Variants in PRR32 observed in about 807,000 individuals in gnomAD.
The protein encoded by PRR32 is proline-rich protein 32.
PRR32 carries 2 observed loss-of-function variants against 1.3 expected under a neutral mutation model. The observed-to-expected ratio is 1.49, with a 90% confidence interval of 0.61 to 4.68. The LOEUF is 4.68. Ranked by LOEUF, PRR32 falls within the 30% of genes most tolerant of loss-of-function variation. PRR32 has a pLI of 0.06. For synonymous variants in PRR32, 107 were observed against 88.7 expected (o/e 1.21, Z -1.16); for missense variants, 241 against 232.5 (o/e 1.04, Z -0.24).
chrX:126,820,476 G>T (rs1460821929), intron 1 of PRR32, among the ~76,000 whole-genome samples, 183 bp from the exon 2 acceptor site: 1 of 111,869 alleles, frequency 8.9e-6, no homozygotes, highest in Non-Finnish European at 1.9e-5. Context: ...ATGTAGCCTA[G>T]TACTAAAGAA....
rs1221025543 is a variant in PRR32, at chrX:126,820,654, G to C, written c.21-5G>C. 8.7e-7 allele frequency: 1 copy of C among 1,153,518 alleles called. No homozygotes were observed. The highest frequency in any genetic ancestry group is 2.8e-5 in the Admixed American group (1 of 35,917). On this transcript the variant is annotated splice_polypyrimidine_tract_variant and splice_region_variant and intron_variant, in intron 1 of 1. Transcript: ENST00000371125. ...TATTAGCTGTTTGATTTCTGTTTTT[G>C]CAAGCCTTGGAGGGCACGCCCCTTC...
intron 1 of PRR32, 47 bp downstream of exon 1, chrX:126,819,910 A>C: frequency 8.9e-7 from 1 of 1,120,689 alleles, no homozygotes; most frequent in Non-Finnish European, 1.2e-6. Context: ...AGGCAAAGTC[A>C]GTTTGAATTG....
rs1427894253 is a variant in PRR32 at position 126,821,511 on chromosome X, A to G, written c.873A>G (p.Ala291=). 1.7e-6 allele frequency: 2 copies of G among 1,165,457 alleles called. No individual in the cohort carries two copies. Among genetic ancestry groups the G allele is most frequent in the South Asian group, 1.9e-5 (1 of 52,637 alleles). The change falls in exon 2 of 2, where the codon GCA becomes GCG. Residue 291 remains alanine, a synonymous_variant. Coordinates refer to ENST00000371125, the MANE Select transcript of PRR32 (RefSeq NM_001122716.2). ...ATTCTGGGGGAATGCCAGCTCCTGC[A>G]TCACCCAACAGAGAGCACAGCTGAT... ...HFHSGGMPAP[A]SPNREHS
rs761720173 is a variant in PRR32, at chrX:126,821,504, C to A, written c.866C>A (p.Ala289Asp). 1.7e-6 allele frequency: 2 copies of A among 1,167,075 alleles called. No homozygotes were observed. The highest frequency in any genetic ancestry group is 2.3e-6 in the Non-Finnish European group (2 of 873,167). Residue 289 changes from alanine to aspartate, a missense_variant, in exon 2 of 2, where the codon GCT becomes GAT. By Grantham distance (126) the Ala-to-Asp change is moderately radical. Coordinates refer to ENST00000371125, the MANE Select transcript of PRR32 (RefSeq NM_001122716.2). ...CATTTCCATTCTGGGGGAATGCCAGCTCCTGCATCACCCAACAGAGAGCAC... is the reference window on the plus strand; with the variant it reads ...CATTTCCATTCTGGGGGAATGCCAGATCCTGCATCACCCAACAGAGAGCAC... ...FAHFHSGGMP[A>D]PASPNREHS is the part of the protein sequence containing the mutation.
rs1404706828 is a variant in PRR32, at chrX:126,821,150, T to G, written c.512T>G (p.Phe171Cys). The G allele has an allele frequency of 8.6e-7, 1 of 1,167,723 alleles. No homozygotes were observed. The highest frequency in any genetic ancestry group is 1.1e-6 in the Non-Finnish European group (1 of 872,978). Reference protein sequence around the residue: ...HVALPQGKGFFPPRGPQVRGP... With the variant: ...HVALPQGKGFCPPRGPQVRGP... The stretch of plus-strand genomic sequence containing the variant: ...GCTTTGCCACAAGGTAAAGGGTTCT[T>G]TCCACCCAGGGGCCCACAAGTGAGA... Residue 171 changes from phenylalanine (F) to cysteine (C), a missense_variant, in exon 2 of 2, where the codon TTT becomes TGT. Phe to Cys is a radical substitution (Grantham distance 205). Coordinates refer to ENST00000371125, the MANE Select transcript of PRR32 (RefSeq NM_001122716.2).
At chrX:126,819,989 C>A (rs1930529873) in intron 1 of PRR32, 126 bp downstream of exon 1, 3 of 621,635 alleles carry the variant, frequency 4.8e-6, no homozygotes, top group South Asian at 7.4e-5. Context: ...CAGACAAAAA[C>A]TTGAAGGACA....
rs1187927699 is a variant in PRR32, at chrX:126,821,328, G to A, written c.690G>A (p.Pro230=). The A allele has an allele frequency of 1.0e-5, 12 of 1,166,903 alleles. No homozygotes were observed. The highest frequency in any genetic ancestry group is 4.6e-4 in the Middle Eastern group (2 of 4,326). ...TGCATAATTGGCCAAGGCCTATCCC[G>A]TTGTCTTCCAGTACTCCAGGTTTAC... ...HPMHNWPRPI[P]LSSSTPGLPS... Residue 230 remains proline (P), a synonymous_variant, in exon 2 of 2, where the codon CCG becomes CCA. Coordinates refer to ENST00000371125, the MANE Select transcript of PRR32 (RefSeq NM_001122716.2).
rs772442535 is a variant in PRR32 at position 126,821,514 on chromosome X, A to T, written c.876A>T (p.Ser292=). ...FHSGGMPAPA[S]PNREHS is the part of the protein sequence containing the mutation. ...CTGGGGGAATGCCAGCTCCTGCATC[A>T]CCCAACAGAGAGCACAGCTGATGGC... Residue 292 remains serine, a synonymous_variant, in exon 2 of 2, where the codon TCA becomes TCT. Coordinates refer to ENST00000371125, the MANE Select transcript of PRR32 (RefSeq NM_001122716.2). 8.7e-5 allele frequency: 101 copies of T among 1,165,030 alleles called. No individual in the cohort carries two copies. The highest frequency in any genetic ancestry group is 1.1e-6 in the Non-Finnish European group (1 of 872,844).
At chrX:126,820,384 A>C (rs773219142) in intron 1 of PRR32, among the ~76,000 whole-genome samples, 17 of 111,826 alleles carry the variant, frequency 1.5e-4, no homozygotes, top group Non-Finnish European at 3.2e-4. Context: ...AGTTATGTGC[A>C]TCTTCTAAGC....
Position 126,821,693 on chromosome X carries a change from G to T in PRR32, c.*158G>T. 2 of 703,609 alleles carry T rather than the reference G, an allele frequency of 2.8e-6. No individual in the cohort carries two copies. Among genetic ancestry groups the T allele is most frequent in the Admixed American group, 3.8e-5 (1 of 26,069 alleles). 58.0% of individuals were successfully genotyped at this position (703,609 alleles called of 1,213,427 possible). On this transcript the variant is annotated 3_prime_UTR_variant, in exon 2 of 2. Coordinates refer to ENST00000371125, the MANE Select transcript of PRR32 (RefSeq NM_001122716.2). ...CTCCCACACTCTGTTTAGCACTAAT[G>T]TGCCCTATTTGAAACCTTGTACCCT...
At position 126,821,152 on chromosome X, in the gene PRR32, C is replaced by T. The variant is rs964909041; in HGVS notation, c.514C>T (p.Pro172Ser). ...TTTGCCACAAGGTAAAGGGTTCTTT[C>T]CACCCAGGGGCCCACAAGTGAGAGG... ...VALPQGKGFF[P>S]PRGPQVRGPS... Residue 172 changes from proline (P) to serine (S), a missense_variant, in exon 2 of 2, where the codon CCA becomes TCA. Physicochemically the swap from Pro to Ser is moderately conservative, Grantham distance 74. Transcript: ENST00000371125. The T allele has an allele frequency of 3.4e-6, 4 of 1,165,952 alleles. No individual in the cohort carries two copies. In the African/African-American group the frequency reaches 7.2e-5, roughly 21 times the overall value.
At chrX:126,820,195 GAA>G (rs1930532558) in intron 1 of PRR32, among the ~76,000 whole-genome samples, 1 of 111,696 alleles carries the variant, frequency 9.0e-6, no homozygotes. Context: ...CTCAAGAAGA[GAA>G]ACTTGTGTGT....
In PRR32 at chrX:126,821,597, T is replaced by C. The variant is rs923549283; in HGVS notation, c.*62T>C. 15 of 1,121,545 alleles carry C rather than the reference T, an allele frequency of 1.3e-5. No homozygotes were observed. Among genetic ancestry groups the C allele is most frequent in the Non-Finnish European group, 1.8e-5 (15 of 852,196 alleles). The allele number at this position is 1,121,545 out of a possible 1,213,427, so 92.4% of individuals were successfully genotyped here. ...GAGGTGAAAGTTATTCATTTATGCTTTTATATTTGAAACCTTGTACCCTCC... is the reference window on the plus strand; with the variant it reads ...GAGGTGAAAGTTATTCATTTATGCTCTTATATTTGAAACCTTGTACCCTCC... On this transcript the variant is annotated 3_prime_UTR_variant, in exon 2 of 2. Coordinates refer to ENST00000371125, the MANE Select transcript of PRR32 (RefSeq NM_001122716.2).
Position 126,819,766 on chromosome X carries a change from C to T in PRR32, c.-78C>T, listed in dbSNP as rs1384626879. 7 of 967,551 alleles carry T rather than the reference C, an allele frequency of 7.2e-6. No individual in the cohort carries two copies. Among genetic ancestry groups the T allele is most frequent in the Middle Eastern group, 2.6e-4 (1 of 3,863 alleles). 79.7% of individuals were successfully genotyped at this position (967,551 alleles called of 1,213,427 possible). On this transcript the variant is annotated 5_prime_UTR_variant, in exon 1 of 2. Transcript: ENST00000371125. ...AAGCCTCTAAAGCAGAAGCAGGAGT[C>T]ATTTCTCCAGACCTAGCTGGCCTGT...
At chrX:126,819,960 G>C in intron 1 of PRR32, 97 bp downstream of exon 1, 1 of 811,529 alleles carries the variant, frequency 1.2e-6, no homozygotes, top group Non-Finnish European at 1.7e-6. Context: ...TGGGTTGGAG[G>C]AGATGTGGGA....
At position 126,821,562 on chromosome X, in the gene PRR32, G is replaced by T. The variant is rs745701048; in HGVS notation, c.*27G>T. ...GGCAAAAAGGAAGGATGAAAAAAGGGTTGTGGAAAGAGGTGAAAGTTATTC... is the reference window on the plus strand; with the variant it reads ...GGCAAAAAGGAAGGATGAAAAAAGGTTTGTGGAAAGAGGTGAAAGTTATTC... On this transcript the variant is annotated 3_prime_UTR_variant, in exon 2 of 2. Transcript: ENST00000371125. 1 of 1,153,443 alleles carries T rather than the reference G, an allele frequency of 8.7e-7. No individual in the cohort carries two copies. The highest frequency in any genetic ancestry group is 1.8e-5 in the African/African-American group (1 of 56,119).
In PRR32 at chrX:126,819,843, C is replaced by T; in HGVS notation, c.-1C>T. On this transcript the variant is annotated 5_prime_UTR_variant, in exon 1 of 2. Coordinates refer to ENST00000371125, the MANE Select transcript of PRR32 (RefSeq NM_001122716.2). ...GAAAGCTATTCTGATCAAATTTCTTCATGGCTTGTATTGAAAACGTGTAAG... is the reference window on the plus strand; with the variant it reads ...GAAAGCTATTCTGATCAAATTTCTTTATGGCTTGTATTGAAAACGTGTAAG... 7 of 1,165,419 alleles carry T rather than the reference C, an allele frequency of 6.0e-6. No homozygotes were observed. The highest frequency in any genetic ancestry group is 1.9e-5 in the South Asian group (1 of 52,281).
At position 126,819,839 on chromosome X, in the gene PRR32, T is replaced by A. The variant is rs1231412159; in HGVS notation, c.-5T>A. 2 of 1,163,621 alleles carry A rather than the reference T, an allele frequency of 1.7e-6. No individual in the cohort carries two copies. Among genetic ancestry groups the A allele is most frequent in the East Asian group, 6.5e-5 (2 of 30,619 alleles). Reference sequence around the variant, plus strand: ...TCAGGAAAGCTATTCTGATCAAATTTCTTCATGGCTTGTATTGAAAACGTG... The same window carrying A: ...TCAGGAAAGCTATTCTGATCAAATTACTTCATGGCTTGTATTGAAAACGTG... On this transcript the variant is annotated 5_prime_UTR_variant, in exon 1 of 2. Coordinates refer to ENST00000371125, the MANE Select transcript of PRR32 (RefSeq NM_001122716.2).
In PRR32 at chrX:126,820,541, G is replaced by A. The variant is rs898822111; in HGVS notation, c.21-118G>A. ...CAAGTATTTGGCTACATATAGGGGA[G>A]AGGGCACTCCTTTTTTCCCTGGTAT... On this transcript the variant is annotated intron_variant, in intron 1 of 1. Coordinates refer to ENST00000371125, the MANE Select transcript of PRR32 (RefSeq NM_001122716.2). 4 of 920,867 alleles carry A rather than the reference G, an allele frequency of 4.3e-6. No homozygotes were observed. The East Asian group carries it at 1.4e-4, about 31-fold the overall frequency. 75.9% of individuals were successfully genotyped at this position (920,867 alleles called of 1,213,427 possible). A position where few individuals can be genotyped will look rare whatever the true frequency, so the allele number is the denominator to read the frequency against.
Sources: gnomAD v4.1 joint callset for allele counts (sites outside exome capture counted in the v4.1 genomes callset) on GRCh38, gnomAD v4.1.1 for gene constraint, MANE v1.5 for transcripts, NCBI Gene and HGNC (gene_info 2026-07-23, HGNC 2026-07-21) for gene names.